Variants in CENPE observed in about 807,000 individuals in gnomAD.
The protein encoded by CENPE is centromere-associated protein E.
In CENPE, 145 loss-of-function variants were observed where a neutral mutation model predicts 336.1. The observed-to-expected ratio is 0.43, with a 90% confidence interval of 0.38 to 0.50. CENPE has a LOEUF of 0.50. Among genes scored for constraint, CENPE ranks in the 20% least tolerant of loss-of-function variants. The probability of loss-of-function intolerance (pLI) is 0.00; values close to 1 mark genes in which losing one functional copy is unlikely to be tolerated. For missense variants in CENPE, 2,719 were observed against 3,023.3 expected (o/e 0.90, Z 2.36); for synonymous variants, 1,013 against 984.8 (o/e 1.03, Z -0.54).
chr4:103,121,831 G>T (rs1442979968), intron 43 of CENPE, among the ~76,000 whole-genome samples: 3 of 151,996 alleles, frequency 2.0e-5, no homozygotes, highest in Non-Finnish European at 4.4e-5. Flanking sequence ...AAAGTACTGG[G>T]ATTACAGACT....
intron 42 of CENPE, among the ~76,000 whole-genome samples, chr4:103,124,547 C>T (rs1264046976): frequency 6.6e-6 from 1 of 152,154 alleles, no homozygotes; most frequent in African/African-American, 2.4e-5. Flanking sequence ...TATCTATTGT[C>T]CTGCTTCATT....
At chr4:103,154,429 T>C (rs1396298970) in intron 24 of CENPE, among the ~76,000 whole-genome samples, 1 of 152,182 alleles carries the variant, frequency 6.6e-6, no homozygotes. Context: ...TTTTAGTAGC[T>C]GCTTGATTCT....
At chr4:103,129,155 C>T (rs1315683881) in intron 42 of CENPE, among the ~76,000 whole-genome samples, 1 of 152,126 alleles carries the variant, frequency 6.6e-6, no homozygotes, top group Non-Finnish European at 1.5e-5. Flanking sequence ...AAGACACAAT[C>T]TACCAATACA....
At chr4:103,163,909 A>G (rs1462821778) in intron 16 of CENPE, among the ~76,000 whole-genome samples, 1 of 152,112 alleles carries the variant, frequency 6.6e-6, no homozygotes, top group Non-Finnish European at 1.5e-5. Context: ...TGAAAAATAC[A>G]CGTTTAGTAG....
At chr4:103,138,262 C>A (rs1300096146) in intron 39 of CENPE, 89 bp downstream of exon 39, 2 of 835,980 alleles carry the variant, frequency 2.4e-6, no homozygotes, top group Non-Finnish European at 4.1e-6. Context: ...TCTATTTATT[C>A]CAGAGGTTCC....
Position 103,141,913 on chromosome 4 carries a change from A to G in CENPE, c.5305-5T>C. 1.9e-6 allele frequency: 3 copies of G among 1,558,370 alleles called. No individual in the cohort carries two copies. Among genetic ancestry groups the G allele is most frequent in the Non-Finnish European group, 1.7e-6 (2 of 1,147,830 alleles). Reference sequence around the variant, plus strand: ...TTCCTCTTGTATTTTCAGATCCTTTACCATTAGAGAAATTTTAAAAACAGT... The same window carrying G: ...TTCCTCTTGTATTTTCAGATCCTTTGCCATTAGAGAAATTTTAAAAACAGT... On this transcript the variant is annotated splice_region_variant and splice_polypyrimidine_tract_variant and intron_variant, in intron 34 of 48. Transcript: ENST00000265148.
chr4:103,191,326 C>T (rs954967970), intron 8 of CENPE, among the ~76,000 whole-genome samples: 1 of 152,178 alleles, frequency 6.6e-6, no homozygotes, highest in Non-Finnish European at 1.5e-5. Flanking sequence ...TAAAATCATG[C>T]TGCTATAAAG....
At chr4:103,194,810 C>T in intron 5 of CENPE, 126 bp from the exon 6 acceptor site, 1 of 665,754 alleles carries the variant, frequency 1.5e-6, no homozygotes, top group Non-Finnish European at 2.4e-6. Context: ...AACCATAATT[C>T]TGTAGGAATG....
chr4:103,163,325 T>A (rs1432634988), intron 17 of CENPE, 69 bp from the exon 18 acceptor site: 8 of 1,375,502 alleles, frequency 5.8e-6, no homozygotes, highest in Admixed American at 4.2e-5. Flanking sequence ...AAAACAGAAC[T>A]TATATATATT....
At chr4:103,137,712 T>A (rs1578584297) in intron 39 of CENPE, among the ~76,000 whole-genome samples, 1 of 152,188 alleles carries the variant, frequency 6.6e-6, no homozygotes, top group African/African-American at 2.4e-5. Flanking sequence ...ATCTCAACAC[T>A]TCTCACTACC....
At chr4:103,132,324 A>G (rs1751654936) in intron 42 of CENPE, among the ~76,000 whole-genome samples, 1 of 152,196 alleles carries the variant, frequency 6.6e-6, no homozygotes, top group South Asian at 2.1e-4. Context: ...AGGCTTGTCT[A>G]TGACTTTACC....
chr4:103,138,642 A>T (rs1241707783), intron 38 of CENPE, among the ~76,000 whole-genome samples, 193 bp from the exon 39 acceptor site: 1 of 152,118 alleles, frequency 6.6e-6, no homozygotes, highest in East Asian at 1.9e-4. Flanking sequence ...AGTGACCTTA[A>T]CTCATTGGTA....
intron 16 of CENPE, among the ~76,000 whole-genome samples, chr4:103,164,997 G>A (rs949017723): frequency 6.6e-6 from 1 of 152,076 alleles, no homozygotes; most frequent in Non-Finnish European, 1.5e-5. Context: ...AACATTTAAA[G>A]AATACTAATT....
chr4:103,128,641 G>A (rs1751332303), intron 42 of CENPE, among the ~76,000 whole-genome samples: 1 of 152,196 alleles, frequency 6.6e-6, no homozygotes, highest in African/African-American at 2.4e-5. Context: ...CGGGTCACAG[G>A]AGAAATAAAG....
intron 24 of CENPE, among the ~76,000 whole-genome samples, 199 bp downstream of exon 24, chr4:103,158,101 C>A (rs1265393897): frequency 1.3e-5 from 2 of 151,752 alleles, no homozygotes; most frequent in Non-Finnish European, 3.0e-5. Flanking sequence ...CATTTTTGGG[C>A]CCTTTCCCTT....
At chr4:103,112,283 C>T (rs1478925175) in intron 46 of CENPE, among the ~76,000 whole-genome samples, 1 of 145,772 alleles carries the variant, frequency 6.9e-6, no homozygotes, top group Non-Finnish European at 1.5e-5. Flanking sequence ...AAATACTAAG[C>T]AAAACATAAG....
chr4:103,112,793 C>T (rs1307944834), intron 46 of CENPE, among the ~76,000 whole-genome samples: 2 of 54,202 alleles, frequency 3.7e-5, no homozygotes, highest in Non-Finnish European at 6.2e-5. Context: ...TATATATATA[C>T]TTATAAGTAT....
chr4:103,112,740 A>T (rs865787375), intron 46 of CENPE, among the ~76,000 whole-genome samples: 1 of 113,226 alleles, frequency 8.8e-6, no homozygotes, highest in Non-Finnish European at 1.7e-5. Context: ...ATATATACTT[A>T]TAAGTATATA....
intron 22 of CENPE, 30 bp from the exon 23 acceptor site, chr4:103,158,916 A>G: frequency 1.9e-6 from 3 of 1,577,678 alleles, no homozygotes; most frequent in Non-Finnish European, 2.6e-6. Context: ...AATGTCACAC[A>G]GTAAAAGCAG....
Sources: allele counts gnomAD v4.1 joint callset (sites outside exome capture counted in the v4.1 genomes callset), GRCh38; gene constraint gnomAD v4.1.1; transcripts MANE v1.5; gene names NCBI Gene and HGNC (gene_info 2026-07-23, HGNC 2026-07-21).